The following HUWE1 variants were observed in gnomAD, a reference collection of about 807,000 sequenced individuals.
HUWE1 encodes the protein E3 ubiquitin-protein ligase HUWE1.
In HUWE1, 18 loss-of-function variants were observed where a neutral mutation model predicts 299.4. That is an observed-to-expected ratio of 0.06 (90% confidence interval 0.04 to 0.09). The LOEUF is 0.09. Among genes scored for constraint, HUWE1 ranks in the 10% least tolerant of loss-of-function variants. The pLI is 1.00. For missense variants in HUWE1, 1,832 were observed against 3,462.3 expected (o/e 0.53, Z 11.82); for synonymous variants, 1,317 against 1,286.1 (o/e 1.02, Z -0.51).
intron 43 of HUWE1, among the ~76,000 whole-genome samples, chrX:53,577,544 T>C (rs1556960274): frequency 9.2e-6 from 1 of 108,616 alleles, no homozygotes; most frequent in African/African-American, 3.3e-5. Context: ...CACGGTCTCC[T>C]TCCATGGTCT....
chrX:53,645,704 C>T (rs782410160), intron 6 of HUWE1, among the ~76,000 whole-genome samples: 1 of 71,750 alleles, frequency 1.4e-5, no homozygotes, highest in Non-Finnish European at 2.5e-5. Flanking sequence ...CAGAGGGAGA[C>T]TCTGTCTCAA....
chrX:53,629,787 G>T (rs1739059553), intron 12 of HUWE1, among the ~76,000 whole-genome samples, 171 bp from the exon 13 acceptor site: 1 of 112,080 alleles, frequency 8.9e-6, no homozygotes, highest in African/African-American at 3.2e-5. Context: ...AAATACAACT[G>T]ATAATCTCTA....
At chrX:53,595,527 T>C in intron 29 of HUWE1, 124 bp from the exon 30 acceptor site, 1 of 579,198 alleles carries the variant, frequency 1.7e-6, no homozygotes, top group Non-Finnish European at 2.8e-6. Context: ...TAGTTAACAC[T>C]TGGATTTGTT....
intron 28 of HUWE1, among the ~76,000 whole-genome samples, chrX:53,600,702 A>G (rs924458354): frequency 8.9e-6 from 1 of 112,496 alleles, no homozygotes; most frequent in Non-Finnish European, 1.9e-5. Context: ...ACCACTGGAC[A>G]ATTTTATTTC....
chrX:53,566,109 A>G (rs868990219), intron 49 of HUWE1, among the ~76,000 whole-genome samples: 4 of 45,184 alleles, frequency 8.9e-5, no homozygotes, highest in African/African-American at 1.5e-4. Flanking sequence ...GTATGTATGT[A>G]TGTATGTATG....
In HUWE1 at chrX:53,532,215, A is replaced by C. The variant is rs2060809978; in HGVS notation, c.*1094T>G. ...TGGAGTAAAAACCACAAGGGACTAC[A>C]AGGTGATCTGTGAACAGACTGGCAG... On this transcript the variant is annotated 3_prime_UTR_variant, in exon 84 of 84. Transcript: ENST00000262854. The C allele has an allele frequency of 8.9e-6, 1 of 112,067 alleles. No homozygotes were observed. Among genetic ancestry groups the C allele is most frequent in the South Asian group, 3.7e-4 (1 of 2,684 alleles). The allele number at this position is 112,067 out of a possible 1,213,427, so 9.2% of individuals were successfully genotyped here.
At chrX:53,596,269 C>T (rs2064463433) in intron 29 of HUWE1, among the ~76,000 whole-genome samples, 1 of 111,115 alleles carries the variant, frequency 9.0e-6, no homozygotes, top group African/African-American at 3.3e-5. Context: ...AATAGATATA[C>T]TGAAAATTTT....
rs1556976725 is a variant in HUWE1, at chrX:53,589,598, T to C, written c.4410A>G (p.Lys1470=). The C allele has an allele frequency of 8.3e-7, 1 of 1,211,162 alleles. No individual in the cohort carries two copies. The highest frequency in any genetic ancestry group is 2.2e-5 in the Admixed American group (1 of 46,019). The change falls in exon 36 of 84, where the codon AAA becomes AAG. Residue 1470 remains lysine, a synonymous_variant. Coordinates refer to ENST00000262854, the MANE Select transcript of HUWE1 (RefSeq NM_031407.7). ...RVCDLIMTAI[K]RNGADYRDMI... is the part of the protein sequence containing the mutation. The stretch of plus-strand genomic sequence containing the variant: ...TGTCACGATAATCTGCTCCATTACG[T>C]TTGATTGCTGTCATGATCAGGTCAC...
At chrX:53,650,078 T>C (rs927347149) in intron 4 of HUWE1, among the ~76,000 whole-genome samples, 1 of 112,151 alleles carries the variant, frequency 8.9e-6, no homozygotes. Context: ...AATGTCCAAG[T>C]GATAGGGCAA....
chrX:53,624,743 G>T, intron 18 of HUWE1, 68 bp from the exon 19 acceptor site: 1 of 762,716 alleles, frequency 1.3e-6, no homozygotes, highest in Non-Finnish European at 2.0e-6. Flanking sequence ...GGGGATAATT[G>T]AGTGATATGT....
chrX:53,645,125 C>A lies in HUWE1; in HGVS notation c.504+186G>T, dbSNP rs1390521349. Among the ~76,000 whole-genome samples, 3 of 112,056 alleles carry A rather than the reference C, an allele frequency of 2.7e-5. No individual in the cohort carries two copies. The Admixed American group carries it at 2.8e-4, about 11-fold the overall frequency. On this transcript the variant is annotated intron_variant, in intron 7 of 83. Transcript: ENST00000262854. ...TTGGTGAGCAGAGATTAAAGAATTC[C>A]TTCAAAATTACTTAATAACTGAGAA... is the stretch of plus-strand genomic sequence containing the variant.
Position 53,628,754 on chromosome X carries a change from A to T in HUWE1, c.1112T>A (p.Ile371Asn). ...AGATAATCACCATCAAAACTTACCA[A>T]TCATGGCCTGGATACAGTTCCTTAC... The part of the protein sequence containing the change: ...VLVRNCIQAM[I>N]DPSMDPYPHQ... Residue 371 changes from isoleucine to asparagine, a missense_variant and splice_region_variant, in exon 14 of 84, where the codon ATT becomes AAT. By Grantham distance (149) the Ile-to-Asn change is moderately radical. Around this residue, in one of 15 missense-constraint regions of HUWE1, gnomAD observed 658 missense variants for 1,282.6 expected, o/e 0.51. Transcript: ENST00000262854. 8.3e-7 allele frequency: 1 copy of T among 1,211,674 alleles called. No homozygotes were observed. The highest frequency in any genetic ancestry group is 1.1e-6 in the Non-Finnish European group (1 of 895,280).
In HUWE1 at chrX:53,560,255, T is replaced by C; in HGVS notation, c.7669A>G (p.Thr2557Ala). ...QRTLRQLTAN[T>A]GHTIHVHYPG... Reference sequence around the variant, plus strand: ...TAGTGAACATGAATGGTGTGGCCAGTATTGGCCGTCAGCTGCCTTAGGGTC... The same window carrying C: ...TAGTGAACATGAATGGTGTGGCCAGCATTGGCCGTCAGCTGCCTTAGGGTC... The change falls in exon 56 of 84, where the codon ACT (threonine) becomes GCT (alanine). Residue 2557 changes from threonine to alanine, a missense_variant. This residue lies in a region of HUWE1 where 170 missense variants were observed against 335.8 expected (regional missense o/e 0.51). Transcript: ENST00000262854. 8.3e-7 allele frequency: 1 copy of C among 1,209,821 alleles called. No individual in the cohort carries two copies. Among genetic ancestry groups the C allele is most frequent in the Non-Finnish European group, 1.1e-6 (1 of 894,740 alleles).
Position 53,560,252 on chromosome X carries a change from C to T in HUWE1, c.7672G>A (p.Gly2558Ser), listed in dbSNP as rs1217272614. ...GGGTAGTGAACATGAATGGTGTGGC[C>T]AGTATTGGCCGTCAGCTGCCTTAGG... ...RTLRQLTANT[G>S]HTIHVHYPGN... is the part of the protein sequence containing the mutation. Residue 2558 changes from glycine (G) to serine (S), a missense_variant, in exon 56 of 84, where the codon GGC becomes AGC. Gly to Ser is a moderately conservative substitution (Grantham distance 56). Coordinates refer to ENST00000262854, the MANE Select transcript of HUWE1 (RefSeq NM_031407.7). 6.6e-6 allele frequency: 8 copies of T among 1,207,343 alleles called. No homozygotes were observed. The highest frequency in any genetic ancestry group is 8.9e-6 in the Non-Finnish European group (8 of 894,214).
intron 52 of HUWE1, among the ~76,000 whole-genome samples, 164 bp downstream of exon 52, chrX:53,563,582 T>C (rs1348452305): frequency 9.0e-6 from 1 of 111,494 alleles, no homozygotes; most frequent in Non-Finnish European, 1.9e-5. Flanking sequence ...TGTAGACGTC[T>C]TGTGAATTTC....
chrX:53,541,517 C>T (rs1234901842), intron 74 of HUWE1, among the ~76,000 whole-genome samples: 1 of 111,510 alleles, frequency 9.0e-6, no homozygotes, highest in Non-Finnish European at 1.9e-5. Flanking sequence ...TCACTTGAAT[C>T]CAGGAGGCGG....
chrX:53,584,052 A>C, intron 41 of HUWE1, 134 bp downstream of exon 41: 1 of 806,351 alleles, frequency 1.2e-6, no homozygotes, highest in Non-Finnish European at 1.9e-6. Flanking sequence ...TTAAGATCAG[A>C]TGAAAAAGCA....
At chrX:53,555,845 T>C (rs2061988541) in intron 60 of HUWE1, among the ~76,000 whole-genome samples, 1 of 108,598 alleles carries the variant, frequency 9.2e-6, no homozygotes, top group Admixed American at 9.9e-5. Flanking sequence ...TTTCGCCGTG[T>C]TGGCCAGGTT....
At position 53,548,085 on chromosome X, in the gene HUWE1, C is replaced by G; in HGVS notation, c.10224G>C (p.Val3408=). Residue 3408 remains valine, a synonymous_variant, in exon 68 of 84, where the codon GTG becomes GTC. Coordinates refer to ENST00000262854, the MANE Select transcript of HUWE1 (RefSeq NM_031407.7). ...MNVSRKGKNS[V]KSVPVSAGGE... is the part of the protein sequence containing the mutation. ...CGCCAGCGCTCACTGGCACTGACTT[C>G]ACGGAGTTCTTGCCTTTCCGGCTGA... is the stretch of plus-strand genomic sequence containing the variant. The G allele has an allele frequency of 8.3e-7, 1 of 1,209,358 alleles. No individual in the cohort carries two copies. Among genetic ancestry groups the G allele is most frequent in the Non-Finnish European group, 1.1e-6 (1 of 894,181 alleles).
Sources: gnomAD v4.1 joint callset for allele counts (sites outside exome capture counted in the v4.1 genomes callset) on GRCh38, gnomAD v4.1.1 for gene constraint, gnomAD v4.1.1 regional missense constraint, MANE v1.5 for transcripts, NCBI Gene and HGNC (gene_info 2026-07-23, HGNC 2026-07-21) for gene names.